Variants in GALNT5 observed in about 807,000 individuals in gnomAD.
GALNT5 encodes polypeptide N-acetylgalactosaminyltransferase 5.
A neutral mutation model predicts 85.4 loss-of-function variants in GALNT5; 72 were observed. The observed-to-expected ratio is 0.84, with a 90% confidence interval of 0.70 to 1.03. The LOEUF is 1.03. GALNT5 is among the 50% of genes least tolerant of loss of function. The pLI is 0.00. For synonymous variants in GALNT5, 404 were observed against 397.0 expected (o/e 1.02, Z -0.21); for missense variants, 1,137 against 1,135.5 (o/e 1.00, Z -0.02).
At chr2:157,303,437 A>G (rs1170344032) in intron 7 of GALNT5, among the ~76,000 whole-genome samples, 3 of 152,244 alleles carry the variant, frequency 2.0e-5, no homozygotes, top group African/African-American at 7.2e-5. Flanking sequence ...CGGAATGTCT[A>G]CTTCCTAAAT....
rs546760334 is a variant in GALNT5, at chr2:157,260,039, G to C, written c.1454+503G>C. Among the ~76,000 whole-genome samples the C allele has an allele frequency of 2.6e-5, 4 of 152,320 alleles. No homozygotes were observed. In the South Asian group the frequency reaches 8.3e-4, roughly 32 times the overall value. On this transcript the variant is annotated intron_variant, in intron 1 of 9. Transcript: ENST00000259056. ...ATCATAAGTAATGATAAGCAGGATA[G>C]CAAGAGAAGTGACTTTACTCCCTAA...
Position 157,286,084 on chromosome 2 carries a change from A to C in GALNT5, c.1691A>C (p.Glu564Ala), listed in dbSNP as rs372959721. ...AAAGTTCGGATTCTTCGCCTCAAAGAGAGACATGGCTTAATAAGGGCCAGG... is the reference window on the plus strand; with the variant it reads ...AAAGTTCGGATTCTTCGCCTCAAAGCGAGACATGGCTTAATAAGGGCCAGG... ...FPKVRILRLK[E>A]RHGLIRARLA... Residue 564 changes from glutamate (E) to alanine (A), a missense_variant, in exon 3 of 10, where the codon GAG becomes GCG. Transcript: ENST00000259056. 4.3e-6 allele frequency: 7 copies of C among 1,612,234 alleles called. No homozygotes were observed. The highest frequency in any genetic ancestry group is 5.1e-6 in the Non-Finnish European group (6 of 1,178,276).
chr2:157,271,451 T>C (rs992062732), intron 1 of GALNT5, among the ~76,000 whole-genome samples: 1 of 152,188 alleles, frequency 6.6e-6, no homozygotes, highest in Non-Finnish European at 1.5e-5. Context: ...GTGGAAGTAG[T>C]GTCCCTTTAG....
Position 157,311,209 on chromosome 2 carries a change from T to C in GALNT5, c.2684T>C (p.Val895Ala). The C allele has an allele frequency of 6.2e-7, 1 of 1,609,008 alleles. No individual in the cohort carries two copies. Among genetic ancestry groups the C allele is most frequent in the Non-Finnish European group, 8.5e-7 (1 of 1,176,848 alleles). Residue 895 changes from valine (V) to alanine (A), a missense_variant and splice_region_variant, in exon 10 of 10, where the codon GTG (valine) becomes GCG (alanine). By Grantham distance (64) the Val-to-Ala change is moderately conservative (BLOSUM62 0). Coordinates refer to ENST00000259056, the MANE Select transcript of GALNT5 (RefSeq NM_014568.3). ...KSTSVFHPEL[V>A]NHIVFENNQQ... ...TTCCCAGCTCTTCTTTCTCTCCAGG[T>C]GAATCACATTGTTTTTGAAAACAAT... is the stretch of plus-strand genomic sequence containing the variant.
chr2:157,265,786 T>C (rs1682445269), intron 1 of GALNT5, among the ~76,000 whole-genome samples: 1 of 152,228 alleles, frequency 6.6e-6, no homozygotes, highest in Admixed American at 6.5e-5. Context: ...GTTTAGAAGC[T>C]GTATTTTGCT....
Position 157,312,008 on chromosome 2 carries a change from G to A in GALNT5, c.*660G>A, listed in dbSNP as rs2105174992. 1 of 152,196 alleles carries A rather than the reference G, an allele frequency of 6.6e-6. No homozygotes were observed. The highest frequency in any genetic ancestry group is 3.4e-3 in the Middle Eastern group (1 of 292). 9.4% of individuals were successfully genotyped at this position (152,196 alleles called of 1,614,324 possible). ...AGTGAGGAAGAAGAGGCCTTCAAAT[G>A]CTTATTTAATTCTAGGTATGAACAC... is the stretch of plus-strand genomic sequence containing the variant. On this transcript the variant is annotated 3_prime_UTR_variant, in exon 10 of 10. Coordinates refer to ENST00000259056, the MANE Select transcript of GALNT5 (RefSeq NM_014568.3).
intron 7 of GALNT5, chr2:157,302,675 C>G (rs1041458283): frequency 5.3e-5 from 8 of 152,062 alleles, no homozygotes; most frequent in Admixed American, 4.6e-4. Flanking sequence ...CTTTAACCAC[C>G]AGAGGGCACT....
intron 7 of GALNT5, chr2:157,301,422 C>A: frequency 4.8e-6 from 1 of 210,138 alleles, no homozygotes; most frequent in Non-Finnish European, 9.7e-6. Flanking sequence ...CTGAGAAATC[C>A]TCTCTGAGAA....
At chr2:157,292,481 G>T (rs1683121764) in intron 3 of GALNT5, among the ~76,000 whole-genome samples, 1 of 152,228 alleles carries the variant, frequency 6.6e-6, no homozygotes, top group Admixed American at 6.5e-5. Context: ...AGCAGATGCT[G>T]CTTCCCTTAG....
chr2:157,278,941 A>G (rs996986501), intron 1 of GALNT5, among the ~76,000 whole-genome samples: 2 of 152,164 alleles, frequency 1.3e-5, no homozygotes, highest in African/African-American at 4.8e-5. Context: ...GTTTCTCCCC[A>G]TCTTTGTGGT....
chr2:157,265,227 C>T (rs1220573323), intron 1 of GALNT5, among the ~76,000 whole-genome samples: 1 of 152,140 alleles, frequency 6.6e-6, no homozygotes, highest in African/African-American at 2.4e-5. Flanking sequence ...AAAAGGAAAA[C>T]TTGTTAAAAG....
chr2:157,289,482 C>T (rs529985310), intron 3 of GALNT5, among the ~76,000 whole-genome samples: 97 of 152,164 alleles, frequency 6.4e-4, no homozygotes, highest in African/African-American at 2.2e-3. Context: ...GGAATAGATT[C>T]TAATACCTTC....
At position 157,259,453 on chromosome 2, in the gene GALNT5, A is replaced by G. The variant is rs1682288625; in HGVS notation, c.1371A>G (p.Arg457=). 6.8e-7 allele frequency: 1 copy of G among 1,464,840 alleles called. No individual in the cohort carries two copies. Among genetic ancestry groups the G allele is most frequent in the African/African-American group, 1.4e-5 (1 of 70,774 alleles). 90.7% of individuals were successfully genotyped at this position (1,464,840 alleles called of 1,614,324 possible). ...VPHGKEKEAE[R]RWKEGNFNVY... ...ATGGAAAGGAGAAGGAGGCAGAAAG[A>G]AGATGGAAAGAAGGAAACTTCAATG... Residue 457 remains arginine (R), a synonymous_variant, in exon 1 of 10, where the codon AGA becomes AGG. Coordinates refer to ENST00000259056, the MANE Select transcript of GALNT5 (RefSeq NM_014568.3).
Position 157,300,774 on chromosome 2 carries a change from G to A in GALNT5, c.2214G>A (p.Met738Ile). 6.2e-7 allele frequency: 1 copy of A among 1,614,086 alleles called. No individual in the cohort carries two copies. Among genetic ancestry groups the A allele is most frequent in the Non-Finnish European group, 8.5e-7 (1 of 1,179,942 alleles). ...DNPYSFPKDR[M>I]KTVERNLVRV... ...CATATTCCTTCCCCAAAGACCGGAT[G>A]AAGACAGTGGAGCGGAACTTGGTGC... Residue 738 changes from methionine to isoleucine, a missense_variant, in exon 7 of 10, where the codon ATG becomes ATA. Met to Ile is a conservative substitution (Grantham distance 10, BLOSUM62 1). Coordinates refer to ENST00000259056, the MANE Select transcript of GALNT5 (RefSeq NM_014568.3).
At chr2:157,272,668 G>A (rs927511827) in intron 1 of GALNT5, among the ~76,000 whole-genome samples, 1 of 152,134 alleles carries the variant, frequency 6.6e-6, no homozygotes, top group Middle Eastern at 3.2e-3. Context: ...TAAGGATAAT[G>A]TCCTCCAGCT....
At chr2:157,291,551 G>A (rs749369993) in intron 3 of GALNT5, among the ~76,000 whole-genome samples, 1 of 152,002 alleles carries the variant, frequency 6.6e-6, no homozygotes, top group Non-Finnish European at 1.5e-5. Flanking sequence ...ATTCCAGGCT[G>A]GTACACTGGA....
intron 1 of GALNT5, among the ~76,000 whole-genome samples, chr2:157,275,970 C>T (rs1682714457): frequency 6.6e-6 from 1 of 152,122 alleles, no homozygotes; most frequent in Non-Finnish European, 1.5e-5. Context: ...TCATAAATAG[C>T]TCTTATTATT....
At chr2:157,280,106 G>C (rs1283889386) in intron 1 of GALNT5, among the ~76,000 whole-genome samples, 2 of 152,058 alleles carry the variant, frequency 1.3e-5, no homozygotes, top group Non-Finnish European at 2.9e-5. Context: ...CCTATTTCTT[G>C]CCTTAACTCA....
At chr2:157,290,880 G>T (rs746019623) in intron 3 of GALNT5, among the ~76,000 whole-genome samples, 1 of 152,084 alleles carries the variant, frequency 6.6e-6, no homozygotes. Context: ...GCCAAGCAGT[G>T]ATCGGCCTTA....
Sources: gnomAD v4.1 joint callset for allele counts (sites outside exome capture counted in the v4.1 genomes callset) on GRCh38, gnomAD v4.1.1 for gene constraint, MANE v1.5 for transcripts, NCBI Gene and HGNC (gene_info 2026-07-23, HGNC 2026-07-21) for gene names.